Variants in SLC44A5 observed in about 807,000 individuals in gnomAD.
The protein encoded by SLC44A5 is solute carrier family 44 member 5, also known as choline transporter-like protein 5.
Under a neutral mutation model 101.8 loss-of-function variants are expected in SLC44A5, and 57 were observed. The observed-to-expected ratio is 0.56, with a 90% CI of 0.45 to 0.70. The LOEUF is 0.70. Among genes scored for constraint, SLC44A5 ranks in the 30% least tolerant of loss-of-function variants. SLC44A5 has a pLI of 0.00. For missense variants in SLC44A5, 737 were observed against 853.1 expected (o/e 0.86, Z 1.70); for synonymous variants, 281 against 290.9 (o/e 0.97, Z 0.35).
the SLC44A5 span, among the ~76,000 whole-genome samples, chr1:75,616,575 G>A: frequency 6.6e-6 from 1 of 152,204 alleles, no homozygotes; most frequent in Non-Finnish European, 1.5e-5. Flanking sequence ...TTGCGACCCG[G>A]CCCAGGAGCC....
intron 2 of SLC44A5, among the ~76,000 whole-genome samples, chr1:75,534,543 A>C (rs1277643336): frequency 1.3e-5 from 2 of 152,260 alleles, no homozygotes; most frequent in African/African-American, 2.4e-5. Flanking sequence ...AGTGACAGAC[A>C]GGGTTGGTTA....
intron 3 of SLC44A5, among the ~76,000 whole-genome samples, chr1:75,392,016 A>G (rs528704289): frequency 3.7e-4 from 57 of 152,180 alleles, no homozygotes; most frequent in Middle Eastern, 3.4e-3. Flanking sequence ...TTAGCCAGGC[A>G]TCGTGGCACA....
chr1:75,493,033 G>A (rs1470680446), intron 2 of SLC44A5, among the ~76,000 whole-genome samples: 1 of 152,198 alleles, frequency 6.6e-6, no homozygotes, highest in Non-Finnish European at 1.5e-5. Flanking sequence ...CAAAGACCAT[G>A]ACCTCATCAT....
intron 1 of SLC44A5, among the ~76,000 whole-genome samples, chr1:75,589,483 T>C (rs1674216932): frequency 6.6e-6 from 1 of 152,190 alleles, no homozygotes; most frequent in South Asian, 2.1e-4. Flanking sequence ...TTTGAATATT[T>C]ATGGAGAGAG....
At chr1:75,274,185 T>C (rs1651729000) in intron 6 of SLC44A5, among the ~76,000 whole-genome samples, 1 of 151,988 alleles carries the variant, frequency 6.6e-6, no homozygotes, top group Non-Finnish European at 1.5e-5. Flanking sequence ...TGGGGTTTTT[T>C]TTTTAACCAT....
the SLC44A5 span, among the ~76,000 whole-genome samples, chr1:75,676,384 A>G: frequency 6.6e-6 from 1 of 152,202 alleles, no homozygotes. Context: ...AAAAAGGAAC[A>G]AGATCATGTC....
intron 2 of SLC44A5, among the ~76,000 whole-genome samples, chr1:75,419,689 A>T (rs1663883856): frequency 6.6e-6 from 1 of 152,180 alleles, no homozygotes; most frequent in Admixed American, 6.5e-5. Flanking sequence ...CAGAAATGAT[A>T]AATACATAGG....
chr1:75,503,998 C>G (rs946999379), intron 2 of SLC44A5, among the ~76,000 whole-genome samples: 18 of 152,086 alleles, frequency 1.2e-4, no homozygotes, highest in Admixed American at 9.2e-4. Flanking sequence ...TGCCCCTAAA[C>G]AGTGAGGGGA....
At chr1:75,566,427 T>C (rs1405808409) in intron 1 of SLC44A5, among the ~76,000 whole-genome samples, 2 of 152,232 alleles carry the variant, frequency 1.3e-5, no homozygotes, top group Admixed American at 6.5e-5. Context: ...TTATTTTTGT[T>C]ACAGCAATTT....
chr1:75,294,233 C>T (rs548405263), intron 5 of SLC44A5, among the ~76,000 whole-genome samples: 1 of 152,266 alleles, frequency 6.6e-6, no homozygotes, highest in East Asian at 1.9e-4. Context: ...CCAGTTTCCT[C>T]TTGCAATGAA....
At chr1:75,406,348 T>C (rs910733589) in intron 2 of SLC44A5, among the ~76,000 whole-genome samples, 3 of 152,114 alleles carry the variant, frequency 2.0e-5, no homozygotes, top group Non-Finnish European at 4.4e-5. Context: ...GGGAATCCTC[T>C]GTAACTCATT....
chr1:75,347,377 T>C (rs1239702542), intron 3 of SLC44A5, among the ~76,000 whole-genome samples: 1 of 152,170 alleles, frequency 6.6e-6, no homozygotes, highest in Non-Finnish European at 1.5e-5. Flanking sequence ...AAACATGTTT[T>C]AGTGCACAAT....
the SLC44A5 span, among the ~76,000 whole-genome samples, chr1:75,671,947 C>T: frequency 0.045 from 6,872 of 152,220 alleles, 533 homozygotes; most frequent in African/African-American, 0.15. Context: ...CATAACCTTA[C>T]ATCATACAGA....
At chr1:75,311,484 G>C in intron 4 of SLC44A5, 1 of 842,072 alleles carries the variant, frequency 1.2e-6, no homozygotes, top group African/African-American at 1.8e-5. Context: ...GTCCAGAGTG[G>C]TCTCAGTTCT....
At chr1:75,520,734 T>A (rs1391217701) in intron 2 of SLC44A5, among the ~76,000 whole-genome samples, 1 of 152,192 alleles carries the variant, frequency 6.6e-6, no homozygotes, top group African/African-American at 2.4e-5. Flanking sequence ...TAAAATAGCA[T>A]CATGATAGCT....
At chr1:75,721,554 A>C in the SLC44A5 span, among the ~76,000 whole-genome samples, 815 of 152,304 alleles carry the variant, frequency 5.4e-3, 9 homozygotes, top group South Asian at 0.036. Flanking sequence ...TAGTGGGACA[A>C]ATCTGATATT....
chr1:75,504,472 A>C (rs12022154), intron 2 of SLC44A5, among the ~76,000 whole-genome samples: 41,249 of 152,026 alleles, frequency 0.27, 7,097 homozygotes, highest in East Asian at 0.8. Flanking sequence ...AATAAAAAAC[A>C]TTAAAAATTG....
chr1:75,682,012 A>G, the SLC44A5 span, among the ~76,000 whole-genome samples: 2 of 152,328 alleles, frequency 1.3e-5, no homozygotes, highest in South Asian at 4.1e-4. Flanking sequence ...TAATTGCTTC[A>G]AAGAGAATAA....
At chr1:75,458,283 G>C (rs1279568893) in intron 2 of SLC44A5, among the ~76,000 whole-genome samples, 1 of 152,138 alleles carries the variant, frequency 6.6e-6, no homozygotes, top group East Asian at 1.9e-4. Flanking sequence ...AGTGTTTCTG[G>C]GGGCATAAAG....
Sources: allele counts gnomAD v4.1 joint callset (sites outside exome capture counted in the v4.1 genomes callset), GRCh38; gene constraint gnomAD v4.1.1; transcripts MANE v1.5; gene names NCBI Gene and HGNC (gene_info 2026-07-23, HGNC 2026-07-21).